The following SERPINA4 variants were observed in gnomAD, a reference collection of about 807,000 sequenced individuals.
SERPINA4 encodes the protein serpin family A member 4.
In SERPINA4, 24 loss-of-function variants were observed where a neutral mutation model predicts 25.4. The ratio of observed to expected loss-of-function variants is 0.95; its 90% CI spans 0.69 to 1.33. SERPINA4 has a LOEUF of 1.33. Ranked by LOEUF, SERPINA4 falls within the 40% of genes most tolerant of loss-of-function variation. The pLI is 0.00. For missense variants in SERPINA4, 553 were observed against 535.8 expected, an observed-to-expected ratio of 1.03 and a Z score of -0.32; for synonymous variants, 242 against 223.6, an observed-to-expected ratio of 1.08 and a Z score of -0.73.
chr14:94,567,021 A>G lies in SERPINA4; in HGVS notation c.701A>G (p.Tyr234Cys), dbSNP rs781724325. ...TCAAGGACCACTCCCAAAGACTTCT[A>G]TGTTGATGAGAACACAACAGTCCGG... ...ISSRTTPKDF[Y>C]VDENTTVRVP... The change falls in exon 3 of 5, where the codon TAT (tyrosine) becomes TGT (cysteine). Residue 234 changes from tyrosine to cysteine, a missense_variant. Coordinates refer to ENST00000557004, the MANE Select transcript of SERPINA4 (RefSeq NM_006215.4). The G allele has an allele frequency of 3.7e-6, 6 of 1,614,210 alleles. No homozygotes were observed. Among genetic ancestry groups the G allele is most frequent in the South Asian group, 1.1e-5 (1 of 91,090 alleles).
At position 94,569,853 on chromosome 14, in the gene SERPINA4, G is replaced by T; in HGVS notation, c.*258G>T. ...AAGTTTCTGCCTCTGGAAAGGGGGCGGGCCCTTTTCACAACAGGCTGGTTG... is the reference window on the plus strand; with the variant it reads ...AAGTTTCTGCCTCTGGAAAGGGGGCTGGCCCTTTTCACAACAGGCTGGTTG... On this transcript the variant is annotated 3_prime_UTR_variant, in exon 5 of 5. Coordinates refer to ENST00000557004, the MANE Select transcript of SERPINA4 (RefSeq NM_006215.4). The T allele has an allele frequency of 1.8e-6, 1 of 540,892 alleles. No homozygotes were observed. The highest frequency in any genetic ancestry group is 3.3e-6 in the Non-Finnish European group (1 of 301,076). The allele number at this position is 540,892 out of a possible 1,614,324, so 33.5% of individuals were successfully genotyped here.
At chr14:94,561,595 T>C (rs145630890) in intron 1 of SERPINA4, 101 bp downstream of exon 1, 2 of 1,181,258 alleles carry the variant, frequency 1.7e-6, no homozygotes, top group East Asian at 1.2e-4. Flanking sequence ...GGATATATTT[T>C]CAGTGCTAAA....
intron 2 of SERPINA4, among the ~76,000 whole-genome samples, chr14:94,564,924 A>G (rs1902154860): frequency 6.6e-6 from 1 of 152,250 alleles, no homozygotes; most frequent in Non-Finnish European, 1.5e-5. Context: ...ATGTTTTAGC[A>G]TCTTTTCTTC....
chr14:94,567,126 A>G lies in SERPINA4; in HGVS notation c.806A>G (p.Asp269Gly), dbSNP rs1479931312. 1 of 1,614,072 alleles carries G rather than the reference A, an allele frequency of 6.2e-7. No homozygotes were observed. Among genetic ancestry groups the G allele is most frequent in the Non-Finnish European group, 8.5e-7 (1 of 1,180,038 alleles). ...TTGCCCTGCTCGGTGCTACGGATGGATTACAAAGGAGACGCAACCGTGTTT... is the reference window on the plus strand; with the variant it reads ...TTGCCCTGCTCGGTGCTACGGATGGGTTACAAAGGAGACGCAACCGTGTTT... ...RYLPCSVLRM[D>G]YKGDATVFFI... The change falls in exon 3 of 5, where the codon GAT (aspartate) becomes GGT (glycine). Residue 269 changes from aspartate (D) to glycine (G), a missense_variant. Asp to Gly is a moderately conservative substitution (Grantham distance 94, BLOSUM62 -1). Transcript: ENST00000557004.
chr14:94,561,947 A>C (rs1034388633), intron 1 of SERPINA4: 18 of 1,199,548 alleles, frequency 1.5e-5, no homozygotes, highest in Non-Finnish European at 1.9e-5. Context: ...GCAAGGGTCT[A>C]GGTCAGGGGT....
At position 94,563,494 on chromosome 14, in the gene SERPINA4, C is replaced by A; in HGVS notation, c.12C>A (p.Ile4=). The A allele has an allele frequency of 6.2e-7, 1 of 1,612,602 alleles. No homozygotes were observed. Among genetic ancestry groups the A allele is most frequent in the South Asian group, 1.1e-5 (1 of 90,966 alleles). Residue 4 remains isoleucine (I), a synonymous_variant, in exon 2 of 5, where the codon ATC becomes ATA. Transcript: ENST00000557004. The part of the protein sequence containing the change: MHL[I]DYLLLLLVGL... The stretch of plus-strand genomic sequence containing the variant: ...TGAGAGTGCAGAGGATGCATCTTAT[C>A]GACTACCTGCTCCTCCTGCTGGTTG...
At position 94,563,626 on chromosome 14, in the gene SERPINA4, C is replaced by A. The variant is rs147141052; in HGVS notation, c.144C>A (p.Ser48Arg). The change falls in exon 2 of 5, where the codon AGC (serine) becomes AGA (arginine). Residue 48 changes from serine to arginine, a missense_variant. Ser to Arg is a moderately radical substitution (Grantham distance 110, BLOSUM62 -1). Transcript: ENST00000557004. ...TGGAGACAGGTGAGGGCTCCCCCAG[C>A]CTCAAGATAGCCCCTGCCAATGCTG... The part of the protein sequence containing the change: ...QILETGEGSP[S>R]LKIAPANADF... 2.5e-6 allele frequency: 4 copies of A among 1,613,774 alleles called. No individual in the cohort carries two copies. The African/African-American group carries it at 5.3e-5, about 22-fold the overall frequency.
Position 94,569,621 on chromosome 14 carries a change from C to T in SERPINA4, c.*26C>T. ...CCCTCCCAGGGCTGCTCATCTGTTC[C>T]AAGCAGGAGGATGTGGCAGGGGAGG... On this transcript the variant is annotated 3_prime_UTR_variant, in exon 5 of 5. Coordinates refer to ENST00000557004, the MANE Select transcript of SERPINA4 (RefSeq NM_006215.4). The T allele has an allele frequency of 6.2e-7, 1 of 1,611,952 alleles. No individual in the cohort carries two copies. The highest frequency in any genetic ancestry group is 1.1e-5 in the South Asian group (1 of 91,028).
In SERPINA4 at chr14:94,568,227, T is replaced by A; in HGVS notation, c.1022T>A (p.Leu341Gln). The change falls in exon 4 of 5, where the codon CTG (leucine) becomes CAG (glutamine). Residue 341 changes from leucine to glutamine, a missense_variant. By Grantham distance (113) the Leu-to-Gln change is moderately radical (BLOSUM62 -2). Transcript: ENST00000557004. ...QILPRLGFTD[L>Q]FSKWADLSGI... The stretch of plus-strand genomic sequence containing the variant: ...TTGCCCAGGCTGGGCTTCACGGATC[T>A]GTTCTCCAAGTGGGCTGACTTATCC... 6.2e-7 allele frequency: 1 copy of A among 1,614,252 alleles called. No individual in the cohort carries two copies. Among genetic ancestry groups the A allele is most frequent in the Non-Finnish European group, 8.5e-7 (1 of 1,180,042 alleles).
At position 94,569,474 on chromosome 14, in the gene SERPINA4, T is replaced by G; in HGVS notation, c.1163T>G (p.Phe388Cys). Residue 388 changes from phenylalanine (F) to cysteine (C), a missense_variant, in exon 5 of 5, where the codon TTC (phenylalanine) becomes TGC (cysteine). By Grantham distance (205) the Phe-to-Cys change is radical (BLOSUM62 -2). Transcript: ENST00000557004. The stretch of plus-strand genomic sequence containing the variant: ...GCCACCAGCTTCGCGATCAAATTCT[T>G]CTCTGCCCAGACCAATCGCCACATC... ...AAATSFAIKF[F>C]SAQTNRHILR... is the part of the protein sequence containing the mutation. 6.2e-7 allele frequency: 1 copy of G among 1,614,170 alleles called. No individual in the cohort carries two copies. The highest frequency in any genetic ancestry group is 8.5e-7 in the Non-Finnish European group (1 of 1,180,048).
chr14:94,563,409 A>C (rs577166807), intron 1 of SERPINA4, 57 bp from the exon 2 acceptor site: 7 of 1,526,384 alleles, frequency 4.6e-6, no homozygotes, highest in Admixed American at 3.7e-5. Context: ...CAGCCTTCTC[A>C]GTAGGGCCAG....
intron 3 of SERPINA4, among the ~76,000 whole-genome samples, 170 bp from the exon 4 acceptor site, chr14:94,567,959 C>A (rs572113982): frequency 3.3e-5 from 5 of 152,312 alleles, no homozygotes; most frequent in South Asian, 4.1e-4. Context: ...TACAAAGGAA[C>A]CTGGCCTTTC....
chr14:94,568,704 A>T (rs1334934156), intron 4 of SERPINA4, among the ~76,000 whole-genome samples: 1 of 151,906 alleles, frequency 6.6e-6, no homozygotes, highest in East Asian at 1.9e-4. Context: ...AAAATACAAA[A>T]ATTAGAATGG....
At position 94,569,783 on chromosome 14, in the gene SERPINA4, C is replaced by T; in HGVS notation, c.*188C>T. 1 of 624,872 alleles carries T rather than the reference C, an allele frequency of 1.6e-6. No homozygotes were observed. The highest frequency in any genetic ancestry group is 2.9e-5 in the Admixed American group (1 of 34,260). 38.7% of individuals were successfully genotyped at this position (624,872 alleles called of 1,614,324 possible). A position where few individuals can be genotyped will look rare whatever the true frequency, so the allele number is the denominator to read the frequency against. ...TGGGCAGGGCCTGGACATTCCACAC[C>T]CTGGTGCTGTGCAGCCTCTGGCAGA... On this transcript the variant is annotated 3_prime_UTR_variant, in exon 5 of 5. Coordinates refer to ENST00000557004, the MANE Select transcript of SERPINA4 (RefSeq NM_006215.4).
At chr14:94,567,603 G>A (rs1025811671) in intron 3 of SERPINA4, among the ~76,000 whole-genome samples, 2 of 151,982 alleles carry the variant, frequency 1.3e-5, no homozygotes, top group African/African-American at 4.8e-5. Flanking sequence ...GCCATAGTGG[G>A]ACTTAAAAAA....
At position 94,568,106 on chromosome 14, in the gene SERPINA4, T is replaced by C. The variant is rs187804795; in HGVS notation, c.924-23T>C. ...TCCTGGCTTGTTCATTAATCTAATG[T>C]TCTAACTCAATGCCCCTTTCAGGAA... On this transcript the variant is annotated intron_variant, in intron 3 of 4. Coordinates refer to ENST00000557004, the MANE Select transcript of SERPINA4 (RefSeq NM_006215.4). 1.6e-4 allele frequency: 258 copies of C among 1,613,582 alleles called. 1 individual carries two copies. In the African/African-American group the frequency reaches 2.9e-3, roughly 18 times the overall value.
rs746631686 is a variant in SERPINA4 at position 94,569,369 on chromosome 14, G to C, written c.1084-26G>C. 3 of 1,609,566 alleles carry C rather than the reference G, an allele frequency of 1.9e-6. No individual in the cohort carries two copies. The South Asian group carries it at 3.3e-5, about 18-fold the overall frequency. Reference sequence around the variant, plus strand: ...AGGCCCCCTCTCTTGCTGGCTTGGAGATAATGCTTGTGATTTTCCTCCCAG... The same window carrying C: ...AGGCCCCCTCTCTTGCTGGCTTGGACATAATGCTTGTGATTTTCCTCCCAG... On this transcript the variant is annotated intron_variant, in intron 4 of 4. Coordinates refer to ENST00000557004, the MANE Select transcript of SERPINA4 (RefSeq NM_006215.4).
intron 2 of SERPINA4, 44 bp downstream of exon 2, chr14:94,564,175 C>T: frequency 6.4e-7 from 1 of 1,558,038 alleles, no homozygotes; most frequent in Non-Finnish European, 8.7e-7. Flanking sequence ...ACACCACCGC[C>T]TCCAACCCAC....
chr14:94,562,087 T>G (rs1041696674), intron 1 of SERPINA4, among the ~76,000 whole-genome samples: 1 of 152,186 alleles, frequency 6.6e-6, no homozygotes, highest in Non-Finnish European at 1.5e-5. Flanking sequence ...GAAAAATCAA[T>G]AGAAGAACAA....
Sources: allele counts gnomAD v4.1 joint callset (sites outside exome capture counted in the v4.1 genomes callset), GRCh38; gene constraint gnomAD v4.1.1; transcripts MANE v1.5; gene names NCBI Gene and HGNC (gene_info 2026-07-23, HGNC 2026-07-21).